The following C8orf34 variants were observed in gnomAD, a reference collection of about 807,000 sequenced individuals.
C8orf34 encodes the protein uncharacterized protein C8orf34.
In C8orf34, 65 loss-of-function variants were observed where a neutral mutation model predicts 68.3. That is an observed-to-expected ratio of 0.95 (90% CI 0.78 to 1.17). C8orf34 has a LOEUF of 1.17. Among genes scored for constraint, C8orf34 ranks in the 50% most tolerant of loss-of-function variants. The pLI, the probability that C8orf34 is intolerant of heterozygous loss-of-function variation, is 0.00. For synonymous variants in C8orf34, 244 were observed against 241.2 expected (o/e 1.01, Z -0.11); for missense variants, 664 against 655.4 (o/e 1.01, Z -0.14).
chr8:68,624,115 G>T (rs1443309050), intron 7 of C8orf34, among the ~76,000 whole-genome samples: 4 of 151,608 alleles, frequency 2.6e-5, no homozygotes, highest in Non-Finnish European at 5.9e-5. Context: ...TACTAAAGAT[G>T]CAAAAAATTA....
chr8:68,808,870 T>C (rs907544999), intron 12 of C8orf34, among the ~76,000 whole-genome samples: 1 of 152,224 alleles, frequency 6.6e-6, no homozygotes, highest in Non-Finnish European at 1.5e-5. Context: ...CTTTTACTGA[T>C]GTAATTATTG....
intron 9 of C8orf34, among the ~76,000 whole-genome samples, chr8:68,720,902 C>A (rs971108494): frequency 2.6e-5 from 4 of 151,746 alleles, no homozygotes; most frequent in Admixed American, 2.6e-4. Flanking sequence ...TAATAATATG[C>A]GCCCCTCTCT....
At chr8:68,331,527 C>A (rs865830909) in intron 1 of C8orf34, 188 bp downstream of exon 1, 5 of 681,392 alleles carry the variant, frequency 7.3e-6, no homozygotes, top group Admixed American at 6.7e-5. Context: ...CGCGGCCGGG[C>A]GGGCACTTAG....
chr8:68,710,837 C>T, intron 9 of C8orf34, among the ~76,000 whole-genome samples: 1 of 152,140 alleles, frequency 6.6e-6, no homozygotes, highest in East Asian at 1.9e-4. Flanking sequence ...GAAAGCACTA[C>T]TTTCTGGCTG....
chr8:68,598,820 G>A (rs1049931529), intron 7 of C8orf34, among the ~76,000 whole-genome samples: 3 of 152,104 alleles, frequency 2.0e-5, no homozygotes, highest in Non-Finnish European at 2.9e-5. Context: ...TGAAAATGTT[G>A]TAGATTGTAA....
chr8:68,634,850 C>T (rs1818790077), intron 7 of C8orf34, among the ~76,000 whole-genome samples: 1 of 152,100 alleles, frequency 6.6e-6, no homozygotes, highest in African/African-American at 2.4e-5. Context: ...TCTAAGACTG[C>T]AGGAGCCAAT....
At chr8:68,451,657 A>AC (rs1811350884) in intron 3 of C8orf34, among the ~76,000 whole-genome samples, 1 of 152,096 alleles carries the variant, frequency 6.6e-6, no homozygotes, top group Non-Finnish European at 1.5e-5. Context: ...TCACCATCTT[A>AC]CATGGGTGTG....
Position 68,466,765 on chromosome 8 carries a change from A to ATATATATATATATATATATATATG in C8orf34, c.608-1927_608-1926insTATATATATATATATATATATATG, listed in dbSNP as rs1242128072. On this transcript the variant is annotated intron_variant, in intron 3 of 13. Transcript: ENST00000518698. ...TATATATATATATATATATATATAT[A>ATATATATATATATATATATATATG]GATGCTTTCATTTCTTTATGATGAC... Among the ~76,000 whole-genome samples the ATATATATATATATATATATATATG allele has an allele frequency of 1.2e-3, 151 of 123,288 alleles. 6 individuals carry two copies. Among genetic ancestry groups the ATATATATATATATATATATATATG allele is most frequent in the African/African-American group, 2.9e-3 (93 of 32,052 alleles). The allele number at this position is 123,288 out of a possible 152,430, so 80.9% of individuals were successfully genotyped here.
intron 8 of C8orf34, among the ~76,000 whole-genome samples, chr8:68,691,294 A>G (rs1820678239): frequency 1.3e-5 from 2 of 152,152 alleles, no homozygotes; most frequent in African/African-American, 4.8e-5. Flanking sequence ...CTGTGTCAGC[A>G]TTTTTTAGTA....
intron 1 of C8orf34, among the ~76,000 whole-genome samples, chr8:68,430,871 A>G (rs1810425105): frequency 6.6e-6 from 1 of 152,018 alleles, no homozygotes; most frequent in African/African-American, 2.4e-5. Context: ...CCTCTTCTCT[A>G]AACATTTTTT....
chr8:68,386,723 G>A (rs1357580287), intron 1 of C8orf34, among the ~76,000 whole-genome samples: 6 of 151,966 alleles, frequency 3.9e-5, no homozygotes, highest in Non-Finnish European at 5.9e-5. Context: ...ACCTTTAGAC[G>A]CCCACGCTGT....
chr8:68,629,748 G>A (rs563057739), intron 7 of C8orf34, among the ~76,000 whole-genome samples: 1 of 151,978 alleles, frequency 6.6e-6, no homozygotes, highest in East Asian at 1.9e-4. Flanking sequence ...TAAAATAAAT[G>A]TAATAGGTGT....
At chr8:68,793,154 A>C (rs530799429) in intron 12 of C8orf34, among the ~76,000 whole-genome samples, 9 of 152,208 alleles carry the variant, frequency 5.9e-5, no homozygotes, top group Non-Finnish European at 4.4e-5. Flanking sequence ...TGATATTCAC[A>C]TTGTAAAAAT....
At chr8:68,495,710 T>C (rs1392877650) in intron 5 of C8orf34, among the ~76,000 whole-genome samples, 1 of 152,206 alleles carries the variant, frequency 6.6e-6, no homozygotes, top group African/African-American at 2.4e-5. Flanking sequence ...CTTTGTCACA[T>C]AGTAAGTGGA....
chr8:68,426,500 C>T (rs1158186375), intron 1 of C8orf34, among the ~76,000 whole-genome samples: 1 of 60,070 alleles, frequency 1.7e-5, no homozygotes, highest in Admixed American at 2.8e-4. Flanking sequence ...GTCTGAGTGA[C>T]AGAATAAGAC....
chr8:68,537,629 AATG>A (rs1366764469), intron 7 of C8orf34, among the ~76,000 whole-genome samples: 3 of 152,032 alleles, frequency 2.0e-5, no homozygotes, highest in Non-Finnish European at 4.4e-5. Flanking sequence ...GACTTGAGAA[AATG>A]GTTTCTTTAT....
At chr8:68,612,080 A>G (rs983742536) in intron 7 of C8orf34, among the ~76,000 whole-genome samples, 1 of 152,010 alleles carries the variant, frequency 6.6e-6, no homozygotes, top group Non-Finnish European at 1.5e-5. Context: ...TGAAATGAAC[A>G]TGCAGGATGA....
intron 10 of C8orf34, among the ~76,000 whole-genome samples, chr8:68,752,711 G>A (rs549992900): frequency 6.6e-6 from 1 of 152,124 alleles, no homozygotes. Flanking sequence ...TGTGTCCTTC[G>A]AGAGTTTTCC....
intron 11 of C8orf34, among the ~76,000 whole-genome samples, chr8:68,786,252 C>A (rs780221620): frequency 2.0e-5 from 3 of 152,032 alleles, no homozygotes; most frequent in Admixed American, 6.6e-5. Context: ...TTATTTTGTT[C>A]TAGAGGAGAA....
Sources: allele counts gnomAD v4.1 joint callset (sites outside exome capture counted in the v4.1 genomes callset), GRCh38; gene constraint gnomAD v4.1.1; transcripts MANE v1.5; gene names NCBI Gene and HGNC (gene_info 2026-07-23, HGNC 2026-07-21).